The following CNTN5 variants were observed in gnomAD, a reference collection of about 807,000 sequenced individuals.
CNTN5 encodes the protein contactin 5.
In CNTN5, 77 loss-of-function variants were observed where a neutral mutation model predicts 129.1. The ratio of observed to expected loss-of-function variants is 0.60; its 90% CI spans 0.50 to 0.72. The LOEUF is 0.72. CNTN5 is among the 30% of genes least tolerant of loss of function. The pLI is 0.00. For missense variants in CNTN5, 1,478 were observed against 1,328.8 expected, an observed-to-expected ratio of 1.11 and a Z score of -1.75; for synonymous variants, 509 against 465.6, an observed-to-expected ratio of 1.09 and a Z score of -1.20.
At chr11:99,213,703 G>A (rs919410819) in intron 1 of CNTN5, among the ~76,000 whole-genome samples, 1 of 151,970 alleles carries the variant, frequency 6.6e-6, no homozygotes, top group Non-Finnish European at 1.5e-5. Context: ...GACTTCCCTT[G>A]CCTTGGTGAC....
At chr11:99,961,272 A>AT (rs1950940844) in intron 8 of CNTN5, among the ~76,000 whole-genome samples, 1 of 150,962 alleles carries the variant, frequency 6.6e-6, no homozygotes, top group Admixed American at 6.6e-5. Flanking sequence ...AAGGGTTTCC[A>AT]TAAGAAGTGG....
chr11:99,558,206 TG>T, intron 3 of CNTN5: 1 of 310,108 alleles, frequency 3.2e-6, no homozygotes, highest in South Asian at 2.7e-5. Flanking sequence ...TTCTTTTTTT[TG>T]TGCAGCATTA....
intron 1 of CNTN5, among the ~76,000 whole-genome samples, chr11:99,023,404 TTGTC>T (rs1358492968): frequency 6.6e-6 from 1 of 152,178 alleles, no homozygotes; most frequent in East Asian, 1.9e-4. Flanking sequence ...AGGAGTGTGA[TTGTC>T]TGTCACAGCT....
intron 8 of CNTN5, among the ~76,000 whole-genome samples, chr11:99,990,806 G>A (rs1208706672): frequency 1.3e-5 from 2 of 151,994 alleles, no homozygotes; most frequent in Non-Finnish European, 2.9e-5. Context: ...TTTGAATACA[G>A]TTACCTACAA....
chr11:99,656,954 A>C (rs1167405993), intron 3 of CNTN5, among the ~76,000 whole-genome samples: 4 of 152,102 alleles, frequency 2.6e-5, no homozygotes, highest in Non-Finnish European at 5.9e-5. Flanking sequence ...TGAAAAAAAA[A>C]AATGTGTTTC....
At chr11:99,477,318 C>T (rs1447443293) in intron 2 of CNTN5, among the ~76,000 whole-genome samples, 1 of 151,730 alleles carries the variant, frequency 6.6e-6, no homozygotes, top group Non-Finnish European at 1.5e-5. Context: ...CTAATTTTCA[C>T]AAAGAAAATT....
intron 1 of CNTN5, among the ~76,000 whole-genome samples, chr11:99,223,137 C>G (rs995164497): frequency 3.9e-4 from 59 of 152,108 alleles, no homozygotes; most frequent in Admixed American, 9.2e-4. Context: ...GATAGCAAAG[C>G]CCTCTCTGCC....
chr11:99,128,923 T>G (rs542671592), intron 1 of CNTN5, among the ~76,000 whole-genome samples: 2 of 152,124 alleles, frequency 1.3e-5, no homozygotes, highest in East Asian at 3.9e-4. Flanking sequence ...AGCAGCAGCA[T>G]CAACAAAAAC....
At chr11:99,075,708 A>G (rs1865535953) in intron 1 of CNTN5, among the ~76,000 whole-genome samples, 1 of 152,212 alleles carries the variant, frequency 6.6e-6, no homozygotes, top group Non-Finnish European at 1.5e-5. Context: ...TTGTCATAAA[A>G]TATCATATGA....
intron 9 of CNTN5, among the ~76,000 whole-genome samples, chr11:100,029,905 A>G (rs1591084092): frequency 6.6e-6 from 1 of 152,308 alleles, no homozygotes; most frequent in Middle Eastern, 3.4e-3. Context: ...TGCTTCTGTC[A>G]TCTATTTAAA....
chr11:99,540,938 C>A (rs1948083106), intron 2 of CNTN5, among the ~76,000 whole-genome samples: 1 of 151,974 alleles, frequency 6.6e-6, no homozygotes, highest in Non-Finnish European at 1.5e-5. Flanking sequence ...ATTCTGTAGC[C>A]CAATGACTGC....
At chr11:99,721,748 A>G (rs534276728) in intron 3 of CNTN5, among the ~76,000 whole-genome samples, 11 of 152,324 alleles carry the variant, frequency 7.2e-5, no homozygotes, top group South Asian at 2.1e-4. Flanking sequence ...ACAAAGGTCC[A>G]ATATCCAGCA....
chr11:99,609,428 C>T (rs1843150586), intron 3 of CNTN5, among the ~76,000 whole-genome samples: 1 of 152,046 alleles, frequency 6.6e-6, no homozygotes, highest in Admixed American at 6.6e-5. Flanking sequence ...TCAGAAAGAC[C>T]CCACCTGTCT....
At chr11:99,325,232 A>G (rs1408330872) in intron 1 of CNTN5, 114 bp from the exon 2 acceptor site, 1 of 152,140 alleles carries the variant, frequency 6.6e-6, no homozygotes, top group Non-Finnish European at 1.5e-5. Context: ...GATTGTATGT[A>G]TAACTAAATA....
At chr11:99,841,689 A>C in intron 4 of CNTN5, among the ~76,000 whole-genome samples, 1 of 151,246 alleles carries the variant, frequency 6.6e-6, no homozygotes, top group Non-Finnish European at 1.5e-5. Context: ...AGAGAATGAC[A>C]AGAATGAAAA....
intron 13 of CNTN5, among the ~76,000 whole-genome samples, chr11:100,184,666 AC>A (rs986020893): frequency 4.0e-5 from 6 of 151,710 alleles, no homozygotes; most frequent in African/African-American, 1.2e-4. Flanking sequence ...AATTAAGCCC[AC>A]CCCCCCAGAC....
intron 2 of CNTN5, among the ~76,000 whole-genome samples, chr11:99,519,234 T>C (rs185597636): frequency 6.5e-4 from 99 of 152,206 alleles, no homozygotes; most frequent in African/African-American, 2.2e-3. Flanking sequence ...TACTCACCCT[T>C]ACGTTCTCAG....
chr11:99,640,252 T>G (rs1463123413), intron 3 of CNTN5, among the ~76,000 whole-genome samples: 2 of 152,190 alleles, frequency 1.3e-5, no homozygotes, highest in African/African-American at 4.8e-5. Context: ...CCCTCTCTAC[T>G]GGTACCGATA....
rs117721218 is a variant in CNTN5 at position 99,826,841 on chromosome 11, G to T, written c.277+7076G>T. The stretch of plus-strand genomic sequence containing the variant: ...AGCAGCAGTTGCCTGTGAGACCTCT[G>T]AGCATGCAGATTTAAAATAATAATA... On this transcript the variant is annotated intron_variant, in intron 4 of 24. Coordinates refer to ENST00000524871, the MANE Select transcript of CNTN5 (RefSeq NM_014361.4). 2.9e-3 allele frequency among the ~76,000 whole-genome samples: 443 copies of T among 152,234 alleles called. 3 individuals are homozygous for T. The highest frequency in any genetic ancestry group is 7.3e-3 in the Admixed American group (112 of 15,282).
Sources: gnomAD v4.1 joint callset for allele counts (sites outside exome capture counted in the v4.1 genomes callset) on GRCh38, gnomAD v4.1.1 for gene constraint, MANE v1.5 for transcripts, NCBI Gene and HGNC (gene_info 2026-07-23, HGNC 2026-07-21) for gene names.